Variants in FSD1L observed in about 807,000 individuals in gnomAD.
FSD1L encodes fibronectin type III and SPRY domain containing 1 like, also known as FSD1-like protein.
Under a neutral mutation model 71.6 loss-of-function variants are expected in FSD1L, and 45 were observed. The ratio of observed to expected loss-of-function variants is 0.63; its 90% CI spans 0.49 to 0.81. FSD1L has a LOEUF of 0.81. FSD1L is among the 30% of genes least tolerant of loss of function. The pLI, the probability that FSD1L is intolerant of heterozygous loss-of-function variation, is 0.00. For missense variants in FSD1L, 561 were observed against 618.1 expected (o/e 0.91, Z 0.98); for synonymous variants, 197 against 207.2 (o/e 0.95, Z 0.42).
chr9:105,549,784 C>T lies in FSD1L; in HGVS notation c.*3301C>T, dbSNP rs538598562. On this transcript the variant is annotated 3_prime_UTR_variant, in exon 14 of 14. Coordinates refer to ENST00000481272, the MANE Select transcript of FSD1L (RefSeq NM_001145313.3). ...TTAATTAGGCTAAGATATGCTATTTCATAACTTATGTAGAATGATTTTTAT... is the reference window on the plus strand; with the variant it reads ...TTAATTAGGCTAAGATATGCTATTTTATAACTTATGTAGAATGATTTTTAT... 3 of 151,944 alleles carry T rather than the reference C, an allele frequency of 2.0e-5. No homozygotes were observed. The highest frequency in any genetic ancestry group is 7.2e-5 in the African/African-American group (3 of 41,498). 9.4% of individuals were successfully genotyped at this position (151,944 alleles called of 1,614,324 possible). A position where few individuals can be genotyped will look rare whatever the true frequency, so the allele number is the denominator to read the frequency against.
At chr9:105,469,330 C>T (rs1027487742) in intron 4 of FSD1L, among the ~76,000 whole-genome samples, 1 of 152,098 alleles carries the variant, frequency 6.6e-6, no homozygotes, top group Non-Finnish European at 1.5e-5. Context: ...TTATAATTTT[C>T]TGAGGACCCT....
At chr9:105,526,569 C>T (rs997517490) in intron 10 of FSD1L, among the ~76,000 whole-genome samples, 2 of 152,348 alleles carry the variant, frequency 1.3e-5, no homozygotes, top group South Asian at 2.1e-4. Context: ...CAGTAGCCAC[C>T]TTAGCATGAA....
chr9:105,442,870 T>TA (rs1189013283), upstream of FSD1L, among the ~76,000 whole-genome samples: 7 of 152,232 alleles, frequency 4.6e-5, no homozygotes, highest in East Asian at 1.3e-3. Context: ...TTTTGTTGAA[T>TA]GGAAATCCAT....
chr9:105,452,758 T>C (rs1041286785), intron 1 of FSD1L, among the ~76,000 whole-genome samples: 3 of 151,490 alleles, frequency 2.0e-5, no homozygotes, highest in Non-Finnish European at 4.4e-5. Flanking sequence ...CTTTTTCTTT[T>C]CTTTTTTCTT....
At chr9:105,507,948 A>G (rs1834153084) in intron 8 of FSD1L, among the ~76,000 whole-genome samples, 1 of 139,438 alleles carries the variant, frequency 7.2e-6, no homozygotes, top group African/African-American at 2.7e-5. Flanking sequence ...CTGGAGTGCA[A>G]TTGCACGATC....
Position 105,494,686 on chromosome 9 carries a change from A to C in FSD1L, c.586+10184A>C, listed in dbSNP as rs1021390569. ...ATGTACAGATGGGTTTTTGGCGTGG[A>C]TGTCCTTTCTGCTTGTTAGTTTTCC... On this transcript the variant is annotated intron_variant, in intron 7 of 13. Transcript: ENST00000481272. 7.2e-5 allele frequency among the ~76,000 whole-genome samples: 11 copies of C among 152,172 alleles called. No homozygotes were observed. The East Asian group carries it at 9.6e-4, about 13-fold the overall frequency.
chr9:105,460,484 C>T (rs749823731), intron 1 of FSD1L, among the ~76,000 whole-genome samples: 38 of 150,580 alleles, frequency 2.5e-4, no homozygotes, highest in African/African-American at 3.4e-4. Context: ...CCCAGCTACT[C>T]GAGAGGCTGA....
intron 5 of FSD1L, chr9:105,472,983 A>G (rs1265977809): frequency 6.6e-6 from 1 of 152,202 alleles, no homozygotes; most frequent in Non-Finnish European, 1.5e-5. Context: ...TACAAGGGAA[A>G]TGTACTATAT....
intron 10 of FSD1L, among the ~76,000 whole-genome samples, chr9:105,527,770 A>G (rs969911516): frequency 1.1e-4 from 16 of 152,146 alleles, no homozygotes; most frequent in African/African-American, 3.9e-4. Flanking sequence ...CTCCTACTCA[A>G]CATAGTATTG....
At chr9:105,506,156 A>G (rs550122070) in intron 7 of FSD1L, among the ~76,000 whole-genome samples, 4 of 149,590 alleles carry the variant, frequency 2.7e-5, no homozygotes, top group Non-Finnish European at 4.4e-5. Context: ...TGAAATATCA[A>G]TTAAAAATAT....
At chr9:105,448,379 C>G in intron 1 of FSD1L, 144 bp downstream of exon 1, 2 of 717,134 alleles carry the variant, frequency 2.8e-6, no homozygotes, top group Non-Finnish European at 4.1e-6. Context: ...CAAGGCCGCC[C>G]GGCCGCTCTC....
intron 7 of FSD1L, among the ~76,000 whole-genome samples, chr9:105,495,090 C>A (rs1833265254): frequency 6.6e-6 from 1 of 152,188 alleles, no homozygotes; most frequent in Admixed American, 6.5e-5. Context: ...TCGTCTGTGC[C>A]CTGCCCCCAG....
intron 7 of FSD1L, 28 bp downstream of exon 7, chr9:105,484,530 T>G: frequency 1.4e-6 from 2 of 1,414,530 alleles, no homozygotes; most frequent in African/African-American, 1.5e-5. Flanking sequence ...ATGTAAAGTT[T>G]TGTATAAAAC....
At chr9:105,499,570 G>A (rs569041127) in intron 7 of FSD1L, among the ~76,000 whole-genome samples, 28 of 150,994 alleles carry the variant, frequency 1.9e-4, no homozygotes, top group African/African-American at 5.4e-4. Context: ...CCCCTCCTCC[G>A]CCCCCACCTG....
chr9:105,450,158 T>C (rs1464848814), intron 1 of FSD1L, among the ~76,000 whole-genome samples: 1 of 152,188 alleles, frequency 6.6e-6, no homozygotes, highest in African/African-American at 2.4e-5. Context: ...AAGCCTCAAA[T>C]AGTAATGATC....
Position 105,497,640 on chromosome 9 carries a change from A to G in FSD1L, c.587-8759A>G, listed in dbSNP as rs143979145. 3.8e-3 allele frequency among the ~76,000 whole-genome samples: 573 copies of G among 152,310 alleles called. 7 individuals are homozygous for G. Among genetic ancestry groups the G allele is most frequent in the African/African-American group, 0.013 (541 of 41,564 alleles). On this transcript the variant is annotated intron_variant, in intron 7 of 13. Transcript: ENST00000481272. ...CTTTTGGGTTATCAAATTTGTGGACATAGAGTTATTCACAGAATTCCTTGA... is the reference window on the plus strand; with the variant it reads ...CTTTTGGGTTATCAAATTTGTGGACGTAGAGTTATTCACAGAATTCCTTGA...
intron 2 of FSD1L, among the ~76,000 whole-genome samples, chr9:105,461,897 G>A (rs1588928333): frequency 6.6e-6 from 1 of 151,286 alleles, no homozygotes; most frequent in East Asian, 2.0e-4. Flanking sequence ...AGCCCAAGAG[G>A]TTGAGGCTGC....
At chr9:105,485,569 T>C (rs1485421128) in intron 7 of FSD1L, among the ~76,000 whole-genome samples, 2 of 139,954 alleles carry the variant, frequency 1.4e-5, no homozygotes, top group Non-Finnish European at 3.1e-5. Flanking sequence ...ATCATGTTGC[T>C]GATAACTAAA....
At position 105,526,183 on chromosome 9, in the gene FSD1L, G is replaced by T; in HGVS notation, c.1026-8310G>T. On this transcript the variant is annotated intron_variant, in intron 10 of 13. Transcript: ENST00000481272. ...TATGGTTAGAGCAACAGCTATAAAT[G>T]CAAGCCGTGCTCTGAAATCTCTGAT... 7.5e-6 allele frequency: 12 copies of T among 1,592,116 alleles called. No homozygotes were observed. The South Asian group carries it at 1.3e-4, about 18-fold the overall frequency.
Sources: allele counts gnomAD v4.1 joint callset (sites outside exome capture counted in the v4.1 genomes callset), GRCh38; gene constraint gnomAD v4.1.1; transcripts MANE v1.5; gene names NCBI Gene and HGNC (gene_info 2026-07-23, HGNC 2026-07-21).